Variants in RFX3 observed in about 807,000 individuals in gnomAD.
RFX3 encodes regulatory factor X3.
Under a neutral mutation model 98.6 loss-of-function variants are expected in RFX3, and 14 were observed. The ratio of observed to expected loss-of-function variants is 0.14; its 90% CI spans 0.09 to 0.22. RFX3 has a LOEUF of 0.22. RFX3 is among the 10% of genes least tolerant of loss of function. The pLI is 1.00. For synonymous variants in RFX3, 383 were observed against 328.4 expected (o/e 1.17, Z -1.80); for missense variants, 639 against 926.9 (o/e 0.69, Z 4.03).
intron 1 of RFX3, among the ~76,000 whole-genome samples, chr9:3,432,767 A>G (rs7022489): frequency 0.011 from 1,682 of 152,270 alleles, 26 homozygotes; most frequent in African/African-American, 0.033. Context: ...AAATTAGACA[A>G]TATGGCAGAA....
chr9:3,398,181 C>T (rs906376878), intron 1 of RFX3, among the ~76,000 whole-genome samples: 2 of 151,990 alleles, frequency 1.3e-5, no homozygotes, highest in Non-Finnish European at 1.5e-5. Flanking sequence ...ACAGAAATGA[C>T]CAAAAATGTT....
intron 1 of RFX3, among the ~76,000 whole-genome samples, chr9:3,487,179 C>T (rs933801639): frequency 6.6e-6 from 1 of 152,048 alleles, no homozygotes; most frequent in East Asian, 1.9e-4. Flanking sequence ...GTTCTATAAA[C>T]AGACAATAGC....
At chr9:3,449,846 C>T (rs575284403) in intron 1 of RFX3, among the ~76,000 whole-genome samples, 1 of 139,210 alleles carries the variant, frequency 7.2e-6, no homozygotes, top group South Asian at 2.3e-4. Flanking sequence ...CCAGCCTGGG[C>T]AACTGAGCGA....
At chr9:3,373,841 G>C (rs1838126600) in intron 2 of RFX3, among the ~76,000 whole-genome samples, 1 of 152,206 alleles carries the variant, frequency 6.6e-6, no homozygotes, top group African/African-American at 2.4e-5. Flanking sequence ...CACTTTGGGA[G>C]GCAGAGGCAG....
chr9:3,248,475 A>C (rs571831521), intron 14 of RFX3, among the ~76,000 whole-genome samples: 37 of 152,340 alleles, frequency 2.4e-4, no homozygotes, highest in African/African-American at 8.7e-4. Context: ...ACTCACAAAT[A>C]AATCAGAATT....
chr9:3,379,624 AT>A (rs1351942702), intron 2 of RFX3, among the ~76,000 whole-genome samples: 6 of 152,188 alleles, frequency 3.9e-5, no homozygotes, highest in African/African-American at 4.8e-5. Flanking sequence ...AATAGATTCA[AT>A]TTGTAGTTTC....
chr9:3,231,964 C>T (rs577845208), intron 15 of RFX3, among the ~76,000 whole-genome samples: 4 of 151,966 alleles, frequency 2.6e-5, no homozygotes, highest in South Asian at 4.2e-4. Flanking sequence ...ACCTGGGAGG[C>T]GAAGGTTGCA....
intron 1 of RFX3, among the ~76,000 whole-genome samples, chr9:3,427,198 T>C (rs1008977605): frequency 6.8e-6 from 1 of 146,284 alleles, no homozygotes. Flanking sequence ...ACTTATTATA[T>C]ACTATACTAT....
At chr9:3,231,508 G>GTT (rs578032775) in intron 15 of RFX3, among the ~76,000 whole-genome samples, 9 of 152,132 alleles carry the variant, frequency 5.9e-5, no homozygotes, top group Non-Finnish European at 1.2e-4. Context: ...TCTTCAGGAG[G>GTT]TAAGTAGCAG....
chr9:3,350,074 AG>A (rs1050331644), intron 2 of RFX3, among the ~76,000 whole-genome samples: 9 of 152,130 alleles, frequency 5.9e-5, no homozygotes, highest in Admixed American at 4.6e-4. Context: ...ATGCCTTTTT[AG>A]ACATAACACC....
intron 3 of RFX3, among the ~76,000 whole-genome samples, chr9:3,345,407 A>C (rs1236474662): frequency 1.3e-5 from 2 of 152,194 alleles, no homozygotes; most frequent in Non-Finnish European, 2.9e-5. Context: ...GTGGAAAGTT[A>C]GATTTTATTT....
chr9:3,309,230 C>G (rs1829687355), intron 4 of RFX3, among the ~76,000 whole-genome samples: 2 of 152,120 alleles, frequency 1.3e-5, no homozygotes, highest in East Asian at 1.9e-4. Flanking sequence ...ATTAGGAATT[C>G]AGAAAGGGCA....
chr9:3,255,762 A>G (rs909121087), intron 14 of RFX3, among the ~76,000 whole-genome samples: 4 of 152,158 alleles, frequency 2.6e-5, no homozygotes, highest in African/African-American at 9.7e-5. Context: ...CATTTGATAT[A>G]TGTCATGTAA....
chr9:3,295,363 C>T (rs1244951748), intron 5 of RFX3, among the ~76,000 whole-genome samples: 1 of 151,848 alleles, frequency 6.6e-6, no homozygotes, highest in African/African-American at 2.4e-5. Flanking sequence ...TATGGCAGCC[C>T]TAGTGAGCTG....
chr9:3,518,504 C>CA (rs1006897509), intron 1 of RFX3, among the ~76,000 whole-genome samples: 6 of 151,314 alleles, frequency 4.0e-5, no homozygotes, highest in Non-Finnish European at 8.8e-5. Context: ...AATGCTTTGG[C>CA]AAAAAAGAAA....
chr9:3,488,530 CTG>C (rs1850464344), intron 1 of RFX3, among the ~76,000 whole-genome samples: 1 of 152,112 alleles, frequency 6.6e-6, no homozygotes, highest in African/African-American at 2.4e-5. Context: ...TATAATAAAA[CTG>C]TAATTATTTC....
chr9:3,442,956 C>G (rs1431590695), intron 1 of RFX3, among the ~76,000 whole-genome samples: 1 of 152,090 alleles, frequency 6.6e-6, no homozygotes, highest in South Asian at 2.1e-4. Context: ...AAAAAGCAGG[C>G]TAGGCTCTGC....
chr9:3,231,494 C>G (rs1049080878), intron 15 of RFX3, among the ~76,000 whole-genome samples: 1 of 152,100 alleles, frequency 6.6e-6, no homozygotes, highest in Non-Finnish European at 1.5e-5. Flanking sequence ...TGGAAATATT[C>G]CTGTCTTCAG....
chr9:3,506,204 TG>T (rs1300540992), intron 1 of RFX3, among the ~76,000 whole-genome samples: 9 of 150,364 alleles, frequency 6.0e-5, no homozygotes, highest in East Asian at 3.9e-4. Flanking sequence ...GAAGGACAAC[TG>T]TTTTTTTTTT....
Sources: gnomAD v4.1 joint callset for allele counts (sites outside exome capture counted in the v4.1 genomes callset) on GRCh38, gnomAD v4.1.1 for gene constraint, MANE v1.5 for transcripts, NCBI Gene and HGNC (gene_info 2026-07-23, HGNC 2026-07-21) for gene names.